PAPSS2: variants seen among roughly 807,000 people sequenced by gnomAD.
PAPSS2 encodes bifunctional 3'-phosphoadenosine 5'-phosphosulfate synthase 2.
A neutral mutation model predicts 66.5 loss-of-function variants in PAPSS2; 61 were observed. The observed-to-expected ratio is 0.92, with a 90% confidence interval of 0.75 to 1.14. The LOEUF is 1.14. Ranked by LOEUF, PAPSS2 falls within the 50% of genes most tolerant of loss-of-function variation. The pLI is 0.00. For missense variants in PAPSS2, 708 were observed against 789.6 expected (o/e 0.90, Z 1.24); for synonymous variants, 289 against 287.5 (o/e 1.01, Z -0.05).
At chr10:87,692,682 A>G (rs185257387) in intron 1 of PAPSS2, among the ~76,000 whole-genome samples, 2 of 152,332 alleles carry the variant, frequency 1.3e-5, no homozygotes, top group African/African-American at 4.8e-5. Context: ...ATCTCCAGTT[A>G]AATGGTCAAC....
intron 1 of PAPSS2, among the ~76,000 whole-genome samples, chr10:87,696,241 A>G (rs923739943): frequency 3.3e-5 from 5 of 152,166 alleles, no homozygotes; most frequent in African/African-American, 1.2e-4. Context: ...CTTCTGTTCC[A>G]TTGTCCTGTT....
At position 87,726,599 on chromosome 10, in the gene PAPSS2, G is replaced by A. The variant is rs762976800; in HGVS notation, c.881-685G>A. On this transcript the variant is annotated intron_variant, in intron 8 of 12. Coordinates refer to ENST00000456849, the MANE Select transcript of PAPSS2 (RefSeq NM_001015880.2). Reference sequence around the variant, plus strand: ...TCAAAATATCTTATGCACCCCATAAGCATATACACTATGTACCCAAGAAAG... The same window carrying A: ...TCAAAATATCTTATGCACCCCATAAACATATACACTATGTACCCAAGAAAG... Among the ~76,000 whole-genome samples, 11 of 151,978 alleles carry A rather than the reference G, an allele frequency of 7.2e-5. No individual in the cohort carries two copies. The South Asian group carries it at 8.3e-4, about 11-fold the overall frequency.
chr10:87,698,343 C>CT (rs563467320), intron 1 of PAPSS2, among the ~76,000 whole-genome samples: 7 of 151,226 alleles, frequency 4.6e-5, no homozygotes, highest in African/African-American at 9.7e-5. Context: ...TCTACTATAG[C>CT]TTTTTTTTTG....
At chr10:87,734,957 G>A (rs1853779137) in intron 9 of PAPSS2, among the ~76,000 whole-genome samples, 1 of 151,708 alleles carries the variant, frequency 6.6e-6, no homozygotes, top group Non-Finnish European at 1.5e-5. Flanking sequence ...GCCTCTTTGA[G>A]CCTATTTATC....
intron 2 of PAPSS2, among the ~76,000 whole-genome samples, chr10:87,712,457 C>T (rs1564720649): frequency 6.6e-6 from 1 of 152,122 alleles, no homozygotes; most frequent in African/African-American, 2.4e-5. Flanking sequence ...TACACAACTT[C>T]CTTTTTGCTT....
intron 8 of PAPSS2, among the ~76,000 whole-genome samples, chr10:87,724,180 A>G (rs1853629310): frequency 6.6e-6 from 1 of 152,088 alleles, no homozygotes; most frequent in African/African-American, 2.4e-5. Context: ...TAGAAAGCCA[A>G]ATTTTATCCC....
chr10:87,680,430 A>G (rs929551389), intron 1 of PAPSS2, among the ~76,000 whole-genome samples: 1 of 152,140 alleles, frequency 6.6e-6, no homozygotes, highest in East Asian at 1.9e-4. Flanking sequence ...TCATTCATCA[A>G]TGGAATACAC....
chr10:87,709,198 G>A lies in PAPSS2; in HGVS notation c.30G>A (p.Glu10=). Residue 10 remains glutamate, a splice_region_variant and synonymous_variant, in exon 2 of 13, where the codon GAG becomes GAA. Coordinates refer to ENST00000456849, the MANE Select transcript of PAPSS2 (RefSeq NM_001015880.2). ...CTTGGTTTTGTCTTATTTTATAGGA[G>A]AACCAGCAGAAATCCACCAATGTAG... MSGIKKQKT[E]NQQKSTNVVY... 1 of 1,603,284 alleles carries A rather than the reference G, an allele frequency of 6.2e-7. No individual in the cohort carries two copies. Among genetic ancestry groups the A allele is most frequent in the Non-Finnish European group, 8.5e-7 (1 of 1,170,422 alleles).
intron 1 of PAPSS2, among the ~76,000 whole-genome samples, chr10:87,694,662 G>A (rs553028019): frequency 2.0e-5 from 3 of 152,326 alleles, no homozygotes; most frequent in East Asian, 1.9e-4. Flanking sequence ...AAATGGAACC[G>A]GCTTAGCGGA....
chr10:87,683,892 G>C (rs4316430), intron 1 of PAPSS2, among the ~76,000 whole-genome samples: 2 of 151,694 alleles, frequency 1.3e-5, no homozygotes, highest in African/African-American at 4.9e-5. Flanking sequence ...TGGGGGTTTC[G>C]CTATGTTGCC....
At chr10:87,729,827 T>C (rs1016881342) in intron 9 of PAPSS2, among the ~76,000 whole-genome samples, 12 of 152,050 alleles carry the variant, frequency 7.9e-5, no homozygotes, top group African/African-American at 2.7e-4. Flanking sequence ...AGGAACCCCA[T>C]CTCTACTAAA....
In PAPSS2 at chr10:87,699,580, G is replaced by A. The variant is rs147645828; in HGVS notation, c.28-9616G>A. ...AAGAATCAAACCATTGTCTGGGAGC[G>A]GTGGCTCACGCCTGTAATCCTAGCA... is the stretch of plus-strand genomic sequence containing the variant. On this transcript the variant is annotated intron_variant, in intron 1 of 12. Coordinates refer to ENST00000456849, the MANE Select transcript of PAPSS2 (RefSeq NM_001015880.2). Among the ~76,000 whole-genome samples, 770 of 152,252 alleles carry A rather than the reference G, an allele frequency of 5.1e-3. 1 individual carries two copies. The Middle Eastern group carries it at 0.068, about 13-fold the overall frequency.
In PAPSS2 at chr10:87,714,973, G is replaced by A. The variant is rs1214294985; in HGVS notation, c.640-12G>A. On this transcript the variant is annotated splice_polypyrimidine_tract_variant and intron_variant, in intron 5 of 12. Transcript: ENST00000456849. ...CAGTTTTCAAGTTTTTACCAATGCT[G>A]TTTCATTTCAGAACATTGTACCCTA... 4.5e-6 allele frequency: 7 copies of A among 1,553,790 alleles called. No homozygotes were observed. In the Middle Eastern group the frequency reaches 5.0e-4, roughly 112 times the overall value.
At chr10:87,713,913 C>G (rs1473370297) in intron 3 of PAPSS2, 131 bp from the exon 4 acceptor site, 1 of 922,292 alleles carries the variant, frequency 1.1e-6, no homozygotes, top group Non-Finnish European at 1.7e-6. Flanking sequence ...TGGACTTTCT[C>G]TCAAGCACTC....
chr10:87,714,374 A>T (rs765087499), intron 4 of PAPSS2, among the ~76,000 whole-genome samples, 192 bp downstream of exon 4: 7 of 152,208 alleles, frequency 4.6e-5, no homozygotes, highest in Non-Finnish European at 7.3e-5. Flanking sequence ...TTTATTTTTA[A>T]GAATTGTCAT....
At chr10:87,703,796 C>T (rs762269420) in intron 1 of PAPSS2, 6 of 518,854 alleles carry the variant, frequency 1.2e-5, no homozygotes, top group South Asian at 8.4e-5. Context: ...TCTTAGGGAC[C>T]CAGTATAGAA....
intron 8 of PAPSS2, among the ~76,000 whole-genome samples, chr10:87,723,534 C>A (rs1853622180): frequency 6.6e-6 from 1 of 152,068 alleles, no homozygotes; most frequent in African/African-American, 2.4e-5. Flanking sequence ...CTCTAATTGC[C>A]CGAGAACGTT....
chr10:87,691,881 A>C (rs1005518245), intron 1 of PAPSS2, among the ~76,000 whole-genome samples: 3 of 152,188 alleles, frequency 2.0e-5, no homozygotes, highest in African/African-American at 7.2e-5. Flanking sequence ...ACTTGAGTTC[A>C]GTGAGCCATG....
chr10:87,744,783 G>A (rs1442929941), intron 11 of PAPSS2, among the ~76,000 whole-genome samples: 4 of 152,192 alleles, frequency 2.6e-5, no homozygotes, highest in African/African-American at 4.8e-5. Context: ...ACAACCTTGA[G>A]TTATGAGGGA....
Sources: gnomAD v4.1 joint callset for allele counts (sites outside exome capture counted in the v4.1 genomes callset) on GRCh38, gnomAD v4.1.1 for gene constraint, MANE v1.5 for transcripts, NCBI Gene and HGNC (gene_info 2026-07-23, HGNC 2026-07-21) for gene names.